The following RASSF8 variants were observed in gnomAD, a reference collection of about 807,000 sequenced individuals.
The protein encoded by RASSF8 is ras association domain-containing protein 8.
RASSF8 carries 22 observed loss-of-function variants against 48.5 expected under a neutral mutation model. That is an observed-to-expected ratio of 0.45 (90% CI 0.32 to 0.65). RASSF8 has a LOEUF of 0.65. Among genes scored for constraint, RASSF8 ranks in the 30% least tolerant of loss-of-function variants. RASSF8 has a pLI of 0.03. For missense variants in RASSF8, 418 were observed against 489.2 expected (o/e 0.85, Z 1.37); for synonymous variants, 127 against 171.5 (o/e 0.74, Z 2.03).
intron 1 of RASSF8, among the ~76,000 whole-genome samples, chr12:25,991,545 C>G (rs947232766): frequency 5.3e-5 from 8 of 152,008 alleles, no homozygotes; most frequent in African/African-American, 1.9e-4. Flanking sequence ...TGTACGTAGT[C>G]TACATGAAGG....
In RASSF8 at chr12:25,987,869, C is replaced by G. The variant is rs1941923292; in HGVS notation, c.-202-7168C>G. On this transcript the variant is annotated intron_variant, in intron 1 of 5. Transcript: ENST00000689635. ...TTTATTATTTATTTATTTATTTTTT[C>G]GAAATGGAATCTCACTCTGTCACCC... 4.6e-5 allele frequency among the ~76,000 whole-genome samples: 7 copies of G among 151,632 alleles called. No homozygotes were observed. In the South Asian group the frequency reaches 1.5e-3, roughly 32 times the overall value.
chr12:26,072,066 A>C lies in RASSF8; in HGVS notation c.*3248A>C. ...AGAAAAGACAAAAACTTTTGATTTC[A>C]GGCATGCAAAGTGCTTGGGCAGATG... is the stretch of plus-strand genomic sequence containing the variant. On this transcript the variant is annotated 3_prime_UTR_variant, in exon 6 of 6. Coordinates refer to ENST00000689635, the MANE Select transcript of RASSF8 (RefSeq NM_001394098.1). 1 of 985,406 alleles carries C rather than the reference A, an allele frequency of 1.0e-6. No individual in the cohort carries two copies. Among genetic ancestry groups the C allele is most frequent in the Non-Finnish European group, 1.2e-6 (1 of 829,882 alleles). 61.0% of individuals were successfully genotyped at this position (985,406 alleles called of 1,614,324 possible).
At chr12:26,064,050 A>T (rs1943807759) in intron 3 of RASSF8, among the ~76,000 whole-genome samples, 1 of 152,150 alleles carries the variant, frequency 6.6e-6, no homozygotes, top group South Asian at 2.1e-4. Flanking sequence ...TGTGGAAAAA[A>T]GCCGAGGGAT....
chr12:26,067,747 T>G (rs1211131596), intron 5 of RASSF8, 34 bp downstream of exon 5: 1 of 1,610,698 alleles, frequency 6.2e-7, no homozygotes, highest in Non-Finnish European at 8.5e-7. Flanking sequence ...TATTTTCCCT[T>G]TATTCTCACT....
chr12:26,055,517 T>TA, intron 3 of RASSF8, 71 bp downstream of exon 3: 1 of 1,271,930 alleles, frequency 7.9e-7, no homozygotes, highest in Non-Finnish European at 1.1e-6. Flanking sequence ...TTGTTTTAAA[T>TA]ATAGATTTCT....
rs969882078 is a variant in RASSF8, at chr12:26,070,329, C to G, written c.*1511C>G. 1.0e-6 allele frequency: 1 copy of G among 985,332 alleles called. No individual in the cohort carries two copies. The highest frequency in any genetic ancestry group is 1.7e-5 in the African/African-American group (1 of 57,342). The allele number at this position is 985,332 out of a possible 1,614,324, so 61.0% of individuals were successfully genotyped here. A position where few individuals can be genotyped will look rare whatever the true frequency, so the allele number is the denominator to read the frequency against. Reference sequence around the variant, plus strand: ...TTTAGTGAATGCTGACAATGCTGCTCTACTTAGGTTTCCTATGAAATTTTT... The same window carrying G: ...TTTAGTGAATGCTGACAATGCTGCTGTACTTAGGTTTCCTATGAAATTTTT... On this transcript the variant is annotated 3_prime_UTR_variant, in exon 6 of 6. Coordinates refer to ENST00000689635, the MANE Select transcript of RASSF8 (RefSeq NM_001394098.1).
intron 2 of RASSF8, among the ~76,000 whole-genome samples, chr12:26,010,305 A>G (rs1259343997): frequency 6.6e-6 from 1 of 152,248 alleles, no homozygotes; most frequent in African/African-American, 2.4e-5. Context: ...TCCGTAGGCA[A>G]TGACTTGAGA....
Position 26,030,173 on chromosome 12 carries a change from T to C in RASSF8, c.-108-25063T>C, listed in dbSNP as rs573915698. The stretch of plus-strand genomic sequence containing the variant: ...AGTATATAATTGATAAACATTATAG[T>C]GACTTGTATTAATTACACTTAGTGA... On this transcript the variant is annotated intron_variant, in intron 2 of 5. Coordinates refer to ENST00000689635, the MANE Select transcript of RASSF8 (RefSeq NM_001394098.1). Among the ~76,000 whole-genome samples the C allele has an allele frequency of 1.7e-4, 26 of 152,366 alleles. No individual in the cohort carries two copies. In the East Asian group the frequency reaches 4.6e-3, roughly 27 times the overall value.
At chr12:25,966,470 G>A (rs1014111062) in intron 1 of RASSF8, among the ~76,000 whole-genome samples, 1 of 152,036 alleles carries the variant, frequency 6.6e-6, no homozygotes, top group African/African-American at 2.4e-5. Flanking sequence ...TTGGCCTCCC[G>A]GTGTTGAGAT....
chr12:26,040,252 A>G (rs1943235218), intron 2 of RASSF8, among the ~76,000 whole-genome samples: 1 of 152,220 alleles, frequency 6.6e-6, no homozygotes, highest in Non-Finnish European at 1.5e-5. Flanking sequence ...CTAAACGCAA[A>G]TAATTGGCTC....
At chr12:25,985,142 T>G (rs1367518388) in intron 1 of RASSF8, among the ~76,000 whole-genome samples, 1 of 152,184 alleles carries the variant, frequency 6.6e-6, no homozygotes, top group Non-Finnish European at 1.5e-5. Context: ...ACTCCCAGGT[T>G]ATTGCACTTT....
chr12:26,055,134 T>A, intron 2 of RASSF8, 102 bp from the exon 3 acceptor site: 1 of 535,572 alleles, frequency 1.9e-6, no homozygotes, highest in Non-Finnish European at 3.4e-6. Context: ...TGTACTTCAG[T>A]AAGATTATGA....
chr12:25,960,805 C>T (rs562855220), intron 1 of RASSF8, among the ~76,000 whole-genome samples: 2 of 152,198 alleles, frequency 1.3e-5, no homozygotes, highest in African/African-American at 4.8e-5. Flanking sequence ...TTAGAGGGCC[C>T]TGAGAGGGAG....
chr12:26,071,362 G>T lies in RASSF8; in HGVS notation c.*2544G>T, dbSNP rs1943996329. 1.0e-6 allele frequency: 1 copy of T among 960,506 alleles called. No individual in the cohort carries two copies. The highest frequency in any genetic ancestry group is 4.8e-5 in the South Asian group (1 of 20,786). The allele number at this position is 960,506 out of a possible 1,614,324, so 59.5% of individuals were successfully genotyped here. On this transcript the variant is annotated 3_prime_UTR_variant, in exon 6 of 6. Transcript: ENST00000689635. ...ATATAAAATTTTCATCTGGGGGAAT[G>T]TTCAGGTTCTAAATACTAAATTAGA...
chr12:25,998,349 CTTTT>C (rs34094399), intron 2 of RASSF8, among the ~76,000 whole-genome samples: 2 of 131,052 alleles, frequency 1.5e-5, no homozygotes, highest in Admixed American at 7.7e-5. Flanking sequence ...GAAGACAAAG[CTTTT>C]TTTTTTTTTT....
At chr12:25,974,884 T>C (rs1941568838) in intron 1 of RASSF8, among the ~76,000 whole-genome samples, 1 of 152,214 alleles carries the variant, frequency 6.6e-6, no homozygotes, top group African/African-American at 2.4e-5. Context: ...GTGCCTTTAT[T>C]CATCAGTGAT....
chr12:25,971,366 A>G (rs1941479957), intron 1 of RASSF8, among the ~76,000 whole-genome samples: 1 of 152,168 alleles, frequency 6.6e-6, no homozygotes, highest in African/African-American at 2.4e-5. Context: ...AGCCTTGGTT[A>G]TGCACAGCCT....
intron 5 of RASSF8, among the ~76,000 whole-genome samples, chr12:26,068,028 C>T (rs1284902582): frequency 2.6e-5 from 4 of 152,170 alleles, no homozygotes; most frequent in Admixed American, 2.0e-4. Flanking sequence ...GCCTCAGCTT[C>T]CCAAAGTGCT....
intron 3 of RASSF8, among the ~76,000 whole-genome samples, chr12:26,059,408 A>G (rs1943689935): frequency 1.3e-5 from 2 of 152,216 alleles, no homozygotes. Context: ...TTAAAAATTG[A>G]TTACTTTTCT....
Sources: gnomAD v4.1 joint callset for allele counts (sites outside exome capture counted in the v4.1 genomes callset) on GRCh38, gnomAD v4.1.1 for gene constraint, MANE v1.5 for transcripts, NCBI Gene and HGNC (gene_info 2026-07-23, HGNC 2026-07-21) for gene names.